Variants in GTF2B observed in about 807,000 individuals in gnomAD.
The protein encoded by GTF2B is general transcription factor IIB.
In GTF2B, 20 loss-of-function variants were observed where a neutral mutation model predicts 34.6. That is an observed-to-expected ratio of 0.58 (90% CI 0.41 to 0.84). GTF2B has a LOEUF of 0.84. GTF2B is among the 40% of genes least tolerant of loss of function. The pLI, the probability that GTF2B is intolerant of heterozygous loss-of-function variation, is 0.00. For missense variants in GTF2B, 237 were observed against 393.3 expected, an observed-to-expected ratio of 0.60 and a Z score of 3.36; for synonymous variants, 142 against 132.4, an observed-to-expected ratio of 1.07 and a Z score of -0.50.
chr1:88,866,368 G>A (rs1673560127), intron 2 of GTF2B, among the ~76,000 whole-genome samples: 1 of 152,148 alleles, frequency 6.6e-6, no homozygotes, highest in African/African-American at 2.4e-5. Context: ...AAATGCTCAA[G>A]AGAATGATTC....
At chr1:88,875,838 C>T (rs559730246) in intron 2 of GTF2B, among the ~76,000 whole-genome samples, 1 of 152,266 alleles carries the variant, frequency 6.6e-6, no homozygotes, top group South Asian at 2.1e-4. Flanking sequence ...CCAACCAGCA[C>T]AGTGCTTAAC....
At chr1:88,880,544 C>T (rs946457803) in intron 2 of GTF2B, among the ~76,000 whole-genome samples, 6 of 152,058 alleles carry the variant, frequency 3.9e-5, no homozygotes, top group African/African-American at 1.5e-4. Flanking sequence ...TTCTATGTTT[C>T]GATATATAAA....
rs770326014 is a variant in GTF2B at position 88,864,027 on chromosome 1, T to G, written c.212A>C (p.Gln71Pro). 19 of 1,613,786 alleles carry G rather than the reference T, an allele frequency of 1.2e-5. No individual in the cohort carries two copies. Among genetic ancestry groups the G allele is most frequent in the Non-Finnish European group, 1.6e-5 (19 of 1,179,620 alleles). The change falls in exon 3 of 7, where the codon CAG (glutamine) becomes CCG (proline). Residue 71 changes from glutamine to proline, a missense_variant. By Grantham distance (76) the Gln-to-Pro change is moderately conservative (BLOSUM62 -1). Coordinates refer to ENST00000370500, the MANE Select transcript of GTF2B (RefSeq NM_001514.6). ...TKDPSRVGDS[Q>P]NPLLSDGDLS... is the part of the protein sequence containing the mutation. ...ATCTCCATCACTCAGAAGAGGATTC[T>G]GAGAATCTCCAACTCGAGATGGATC...
intron 6 of GTF2B, among the ~76,000 whole-genome samples, 186 bp downstream of exon 6, chr1:88,857,020 C>A (rs1322860477): frequency 6.6e-6 from 1 of 152,030 alleles, no homozygotes; most frequent in Admixed American, 6.6e-5. Context: ...AGGCTGGTCT[C>A]GAACTCCTGA....
chr1:88,875,650 A>ATGCT (rs1318504504), intron 2 of GTF2B, among the ~76,000 whole-genome samples: 37 of 152,296 alleles, frequency 2.4e-4, no homozygotes, highest in Middle Eastern at 3.4e-3. Context: ...CTTAAAAACT[A>ATGCT]TGCTTCACTC....
intron 2 of GTF2B, among the ~76,000 whole-genome samples, chr1:88,876,101 G>A (rs767252208): frequency 4.6e-5 from 7 of 152,206 alleles, no homozygotes; most frequent in South Asian, 4.2e-4. Context: ...TGTGTCTAAC[G>A]GCTTACAAGG....
Position 88,859,865 on chromosome 1 carries a change from CA to C in GTF2B, c.535+16del. ...AAACAAACAAACAAACACAAAAAAA[CA>C]AAGCTAAAAACTTACCTTTAAATGT... is the stretch of plus-strand genomic sequence containing the variant. On this transcript the variant is annotated intron_variant, in intron 5 of 6. Transcript: ENST00000370500. 1 of 1,605,334 alleles carries C rather than the reference CA, an allele frequency of 6.2e-7. No homozygotes were observed. The highest frequency in any genetic ancestry group is 8.5e-7 in the Non-Finnish European group (1 of 1,174,692).
At position 88,864,006 on chromosome 1, in the gene GTF2B, CCATCACTCAGAAGAGGAT is replaced by C; in HGVS notation, c.215_232del (p.Asn72_Gly78delinsArg). The C allele has an allele frequency of 6.2e-7, 1 of 1,613,794 alleles. No homozygotes were observed. The highest frequency in any genetic ancestry group is 8.5e-7 in the Non-Finnish European group (1 of 1,179,684). On this transcript the variant is annotated inframe_deletion, in exon 3 of 7. Transcript: ENST00000370500. ...CTTGCCAATCATGGTAGACAAATCT[CCATCACTCAGAAGAGGAT>C]TCTGAGAATCTCCAACTCGAGATGG...
In GTF2B at chr1:88,887,254, A is replaced by T; in HGVS notation, c.124+7T>A. ...TAATTTAAATTAAAACCATAATAAC[A>T]ACTCACCTACAACCAAGCCACATTC... On this transcript the variant is annotated splice_region_variant and intron_variant, in intron 2 of 6. Coordinates refer to ENST00000370500, the MANE Select transcript of GTF2B (RefSeq NM_001514.6). 1 of 1,546,336 alleles carries T rather than the reference A, an allele frequency of 6.5e-7. No individual in the cohort carries two copies. Among genetic ancestry groups the T allele is most frequent in the East Asian group, 2.2e-5 (1 of 44,470 alleles).
At chr1:88,875,406 G>A (rs576139458) in intron 2 of GTF2B, among the ~76,000 whole-genome samples, 2 of 152,300 alleles carry the variant, frequency 1.3e-5, no homozygotes, top group Admixed American at 1.3e-4. Context: ...TACATTGTAA[G>A]CTCCATCCCT....
chr1:88,872,430 CAACAAGAGTGAA>C (rs1673715171), intron 2 of GTF2B, among the ~76,000 whole-genome samples: 1 of 89,552 alleles, frequency 1.1e-5, no homozygotes, highest in Non-Finnish European at 2.1e-5. Context: ...CCAGCCTGGG[CAACAAGAGTGAA>C]ACTCCATCTC....
chr1:88,876,449 A>G (rs903827806), intron 2 of GTF2B, among the ~76,000 whole-genome samples: 4 of 152,176 alleles, frequency 2.6e-5, no homozygotes, highest in Non-Finnish European at 5.9e-5. Flanking sequence ...GAGCAGGAGG[A>G]TTGCTTGAGC....
intron 2 of GTF2B, among the ~76,000 whole-genome samples, chr1:88,869,035 G>A (rs577440881): frequency 3.3e-5 from 5 of 152,126 alleles, no homozygotes; most frequent in East Asian, 1.9e-4. Flanking sequence ...CACCGCGCCC[G>A]GCCTGTATCT....
At position 88,887,342 on chromosome 1, in the gene GTF2B, A is replaced by ATG; in HGVS notation, c.41_42dup (p.Cys15HisfsTer10). On this transcript the variant is annotated frameshift_variant, in exon 2 of 7. Coordinates refer to ENST00000370500, the MANE Select transcript of GTF2B (RefSeq NM_001514.6). LOFTEE classifies it high-confidence loss of function. ...AAAATCGCATCTGGATGGTTTGGAC[A>ATG]TGTGACTCTTGGAAGAGCATCCAAA... is the stretch of plus-strand genomic sequence containing the variant. 1 of 1,610,158 alleles carries ATG rather than the reference A, an allele frequency of 6.2e-7. No homozygotes were observed. Among genetic ancestry groups the ATG allele is most frequent in the South Asian group, 1.1e-5 (1 of 91,024 alleles).
rs561972865 is a variant in GTF2B, at chr1:88,855,364, T to TTG, written c.817+1841_817+1842insCA. On this transcript the variant is annotated intron_variant, in intron 6 of 6. Transcript: ENST00000370500. ...GTAATTCACTTTCTGTTTTTGTTTTTTTTTTTTTTTTTTGAGACAGTCCTG... is the reference window on the plus strand; with the variant it reads ...GTAATTCACTTTCTGTTTTTGTTTTTTGTTTTTTTTTTTTTGAGACAGTCCTG... Among the ~76,000 whole-genome samples the TTG allele has an allele frequency of 4.7e-3, 704 of 150,512 alleles. 3 individuals carry two copies. Among genetic ancestry groups the TTG allele is most frequent in the African/African-American group, 0.016 (663 of 40,980 alleles).
intron 2 of GTF2B, among the ~76,000 whole-genome samples, chr1:88,877,543 T>A (rs781142426): frequency 1.3e-5 from 2 of 152,212 alleles, no homozygotes; most frequent in African/African-American, 4.8e-5. Context: ...ATTATCTAAA[T>A]ACAATAATAC....
intron 2 of GTF2B, among the ~76,000 whole-genome samples, chr1:88,872,455 TAAAAAAAAAAAAA>T (rs34668666): frequency 2.7e-5 from 2 of 74,836 alleles, no homozygotes; most frequent in Non-Finnish European, 5.0e-5. Context: ...TCCATCTCAA[TAAAAAAAAAAAAA>T]AAAAAAAAAA....
At chr1:88,889,584 T>C (rs1308394465) in intron 1 of GTF2B, among the ~76,000 whole-genome samples, 1 of 152,260 alleles carries the variant, frequency 6.6e-6, no homozygotes, top group Non-Finnish European at 1.5e-5. Context: ...AGAGAATGAT[T>C]TGCCTGAAGT....
intron 3 of GTF2B, among the ~76,000 whole-genome samples, chr1:88,860,556 T>C (rs1196926478): frequency 1.3e-5 from 2 of 152,080 alleles, no homozygotes; most frequent in Non-Finnish European, 2.9e-5. Context: ...CTTAGAAATA[T>C]GATAAAAAAT....
Sources: allele counts gnomAD v4.1 joint callset (sites outside exome capture counted in the v4.1 genomes callset), GRCh38; gene constraint gnomAD v4.1.1; transcripts MANE v1.5; gene names NCBI Gene and HGNC (gene_info 2026-07-23, HGNC 2026-07-21).